TTLL11: variants seen among roughly 807,000 people sequenced by gnomAD.
The protein encoded by TTLL11 is tubulin polyglutamylase TTLL11.
Under a neutral mutation model 51.7 loss-of-function variants are expected in TTLL11, and 42 were observed. The ratio of observed to expected loss-of-function variants is 0.81; its 90% CI spans 0.64 to 1.05. The LOEUF is 1.05. Among genes scored for constraint, TTLL11 ranks in the 50% least tolerant of loss-of-function variants. TTLL11 has a pLI of 0.00. For synonymous variants in TTLL11, 381 were observed against 383.5 expected, an observed-to-expected ratio of 0.99 and a Z score of 0.08; for missense variants, 799 against 940.4, an observed-to-expected ratio of 0.85 and a Z score of 1.97.
chr9:121,995,305 G>A lies in TTLL11; in HGVS notation c.694-5535C>T, dbSNP rs1423859858. On this transcript the variant is annotated intron_variant, in intron 3 of 8. Transcript: ENST00000321582. This position sits in a 1 kb window ranked among gnomAD's most constrained non-coding sequence, Gnocchi z 4.4. ...GGCGAAGGATGGAGTTTCAACTGGCGAGGGACATGCATCCACGCATCACCA... is the reference window on the plus strand; with the variant it reads ...GGCGAAGGATGGAGTTTCAACTGGCAAGGGACATGCATCCACGCATCACCA... 3.3e-5 allele frequency among the ~76,000 whole-genome samples: 5 copies of A among 152,164 alleles called. No individual in the cohort carries two copies. The highest frequency in any genetic ancestry group is 1.3e-4 in the Admixed American group (2 of 15,272).
At chr9:121,864,723 T>A (rs1461070034) in intron 7 of TTLL11, among the ~76,000 whole-genome samples, 2 of 152,196 alleles carry the variant, frequency 1.3e-5, no homozygotes, top group Non-Finnish European at 2.9e-5. Context: ...TGTTTTTGTT[T>A]TTGTTTTCCA....
At chr9:121,879,772 G>T (rs1256239807) in intron 6 of TTLL11, among the ~76,000 whole-genome samples, 5 of 17,294 alleles carry the variant, frequency 2.9e-4, no homozygotes, top group Admixed American at 3.6e-4. Context: ...TCTAGACCAG[G>T]CTGGGCAACA....
At position 122,092,152 on chromosome 9, in the gene TTLL11, T is replaced by A. The variant is rs143028818; in HGVS notation, c.462+535A>T. 2.4e-3 allele frequency among the ~76,000 whole-genome samples: 371 copies of A among 152,246 alleles called. 2 individuals carry two copies. Among genetic ancestry groups the A allele is most frequent in the African/African-American group, 8.5e-3 (354 of 41,532 alleles). ...TAACAAGATGATGAGATAAGTATAA[T>A]TGGCCTCACTTTACAGAGAAGGTAA... On this transcript the variant is annotated intron_variant, in intron 1 of 8. Coordinates refer to ENST00000321582, the MANE Select transcript of TTLL11 (RefSeq NM_001139442.2).
chr9:122,065,262 AC>A (rs941936680), intron 1 of TTLL11, among the ~76,000 whole-genome samples: 3 of 152,186 alleles, frequency 2.0e-5, no homozygotes, highest in Non-Finnish European at 2.9e-5. Context: ...AATTTTAAGA[AC>A]TGGGTAGAGT....
chr9:122,046,479 G>A (rs555987104), intron 1 of TTLL11, among the ~76,000 whole-genome samples: 11 of 152,094 alleles, frequency 7.2e-5, no homozygotes, highest in South Asian at 2.1e-4. Context: ...AGACTAATAC[G>A]CCCCCTGCAG....
intron 7 of TTLL11, among the ~76,000 whole-genome samples, chr9:121,864,321 C>A (rs1838115622): frequency 1.3e-5 from 2 of 152,118 alleles, no homozygotes; most frequent in Non-Finnish European, 2.9e-5. Context: ...GAACAGTTTT[C>A]CCTTATGCCT....
chr9:121,843,439 A>G (rs1837419338), intron 8 of TTLL11, among the ~76,000 whole-genome samples: 1 of 152,052 alleles, frequency 6.6e-6, no homozygotes, highest in Non-Finnish European at 1.5e-5. Context: ...GTGAGGCTCA[A>G]CCTTTAACTA....
At chr9:121,841,345 C>G (rs916522288) in intron 8 of TTLL11, among the ~76,000 whole-genome samples, 2 of 152,160 alleles carry the variant, frequency 1.3e-5, no homozygotes, top group African/African-American at 4.8e-5. Flanking sequence ...AACCCTCCAG[C>G]GCCCATTCAG....
intron 7 of TTLL11, among the ~76,000 whole-genome samples, chr9:121,867,313 G>A (rs969671813): frequency 6.6e-6 from 1 of 152,132 alleles, no homozygotes; most frequent in Admixed American, 6.5e-5. Context: ...GGTAATATGA[G>A]CCCAGGAGCA....
In TTLL11 at chr9:122,038,040, G is replaced by C. The variant is rs117938099; in HGVS notation, c.559+1232C>G. ...AGGTAAAATTGATAAAATACTAAGAGAAAACACCCTATATTTAGGCAACTA... is the reference window on the plus strand; with the variant it reads ...AGGTAAAATTGATAAAATACTAAGACAAAACACCCTATATTTAGGCAACTA... On this transcript the variant is annotated intron_variant, in intron 2 of 8. Transcript: ENST00000321582. Among the ~76,000 whole-genome samples, 952 of 152,266 alleles carry C rather than the reference G, an allele frequency of 6.3e-3. 5 individuals carry two copies. The highest frequency in any genetic ancestry group is 0.01 in the Non-Finnish European group (705 of 68,022).
intron 7 of TTLL11, among the ~76,000 whole-genome samples, chr9:121,863,372 C>T (rs1838077897): frequency 6.6e-6 from 1 of 152,230 alleles, no homozygotes; most frequent in African/African-American, 2.4e-5. Flanking sequence ...GTCCTCTGGG[C>T]TACCTGCTCT....
chr9:122,031,362 C>T (rs777178195), intron 3 of TTLL11, among the ~76,000 whole-genome samples: 8 of 152,284 alleles, frequency 5.3e-5, no homozygotes, highest in East Asian at 3.9e-4. Flanking sequence ...CACAGGAAGC[C>T]GGCGAGGCCA....
chr9:122,002,451 C>A (rs1379683366), intron 3 of TTLL11, among the ~76,000 whole-genome samples: 1 of 152,184 alleles, frequency 6.6e-6, no homozygotes, highest in Non-Finnish European at 1.5e-5. Flanking sequence ...CCCCTGTAGC[C>A]ATAGACATAG....
At chr9:121,913,220 C>T (rs1463527764) in intron 6 of TTLL11, among the ~76,000 whole-genome samples, 1 of 152,228 alleles carries the variant, frequency 6.6e-6, no homozygotes, top group Non-Finnish European at 1.5e-5. Context: ...CTGTAAGCAC[C>T]TTGCCCTTAG....
intron 6 of TTLL11, among the ~76,000 whole-genome samples, chr9:121,917,301 C>T (rs1397531198): frequency 1.4e-5 from 2 of 147,340 alleles, no homozygotes; most frequent in African/African-American, 5.2e-5. Flanking sequence ...GATCTTATCT[C>T]TATAAAAAAA....
At chr9:121,886,063 T>C (rs140276921) in intron 6 of TTLL11, among the ~76,000 whole-genome samples, 1 of 152,300 alleles carries the variant, frequency 6.6e-6, no homozygotes, top group Non-Finnish European at 1.5e-5. Flanking sequence ...CATCACTTCA[T>C]GTTTATATCT....
At chr9:121,894,265 G>A (rs1487510215) in intron 6 of TTLL11, among the ~76,000 whole-genome samples, 1 of 152,210 alleles carries the variant, frequency 6.6e-6, no homozygotes, top group African/African-American at 2.4e-5. Context: ...AACCTTTCTG[G>A]AGAAATAGAA....
intron 3 of TTLL11, among the ~76,000 whole-genome samples, chr9:121,998,761 A>C (rs549992005): frequency 6.6e-6 from 1 of 152,274 alleles, no homozygotes; most frequent in South Asian, 2.1e-4. Flanking sequence ...CAATATGTAT[A>C]CATGAGATCT....
intron 3 of TTLL11, among the ~76,000 whole-genome samples, chr9:122,013,089 A>G (rs1409294486): frequency 6.6e-6 from 1 of 152,152 alleles, no homozygotes; most frequent in Non-Finnish European, 1.5e-5. Flanking sequence ...GAGGGGATAG[A>G]GTGTGATTCT....
Sources: gnomAD v4.1 joint callset for allele counts (sites outside exome capture counted in the v4.1 genomes callset) on GRCh38, gnomAD v4.1.1 for gene constraint, Gnocchi (gnomAD v3.1) non-coding constraint, MANE v1.5 for transcripts, NCBI Gene and HGNC (gene_info 2026-07-23, HGNC 2026-07-21) for gene names.